TMEM214: variants seen among roughly 807,000 people sequenced by gnomAD.
TMEM214 encodes transmembrane protein 214.
Under a neutral mutation model 89.8 loss-of-function variants are expected in TMEM214, and 71 were observed. That is an observed-to-expected ratio of 0.79 (90% CI 0.65 to 0.96). TMEM214 has a LOEUF of 0.96. Among genes scored for constraint, TMEM214 ranks in the 40% least tolerant of loss-of-function variants. The pLI is 0.00. For missense variants in TMEM214, 754 were observed against 843.4 expected (o/e 0.89, Z 1.31); for synonymous variants, 332 against 349.5 (o/e 0.95, Z 0.56).
chr2:27,035,506 C>T, intron 3 of TMEM214, 88 bp from the exon 4 acceptor site: 2 of 1,565,440 alleles, frequency 1.3e-6, no homozygotes, highest in Non-Finnish European at 1.7e-6. Context: ...CCTTTGCCTC[C>T]ACTCACCATT....
intron 13 of TMEM214, 157 bp from the exon 14 acceptor site, chr2:27,039,584 C>T: frequency 1.4e-6 from 1 of 692,286 alleles, no homozygotes; most frequent in South Asian, 1.7e-5. Context: ...GCTCTGCATG[C>T]CTCCCTCCAC....
At position 27,038,955 on chromosome 2, in the gene TMEM214, C is replaced by T; in HGVS notation, c.1408-92C>T. On this transcript the variant is annotated intron_variant, in intron 12 of 16. Coordinates refer to ENST00000238788, the MANE Select transcript of TMEM214 (RefSeq NM_017727.5). The surrounding 1 kb of genome is among the most constrained non-coding windows in gnomAD (Gnocchi z 4.4). ...TCCAGGATAATGTGAAGGCTTGACGCTCTTTCGGGAAGGCCTGGCTTGAGG... is the reference window on the plus strand; with the variant it reads ...TCCAGGATAATGTGAAGGCTTGACGTTCTTTCGGGAAGGCCTGGCTTGAGG... The T allele has an allele frequency of 2.7e-6, 4 of 1,491,700 alleles. No individual in the cohort carries two copies. Among genetic ancestry groups the T allele is most frequent in the Non-Finnish European group, 3.7e-6 (4 of 1,075,062 alleles). 92.4% of individuals were successfully genotyped at this position (1,491,700 alleles called of 1,614,324 possible). A position where few individuals can be genotyped will look rare whatever the true frequency, so the allele number is the denominator to read the frequency against.
At chr2:27,034,046 C>T (rs770859363) in intron 1 of TMEM214, 21 bp from the exon 2 acceptor site, 1 of 1,613,664 alleles carries the variant, frequency 6.2e-7, no homozygotes. Flanking sequence ...GCCTGCCTTT[C>T]TCTACCTATC....
Position 27,037,108 on chromosome 2 carries a change from A to G in TMEM214, c.940A>G (p.Met314Val). The part of the protein sequence containing the change: ...MHPNLTKGFG[M>V]IGPKDFFPLL... ...TCCCAACCTTACCAAGGGCTTCGGC[A>G]TGATTGGCCCCAAGGACTTCTTCCC... Residue 314 changes from methionine to valine, a missense_variant, in exon 8 of 17, where the codon ATG (methionine) becomes GTG (valine). Physicochemically the swap from Met to Val is conservative, Grantham distance 21. Transcript: ENST00000238788. 6.2e-7 allele frequency: 1 copy of G among 1,614,092 alleles called. No individual in the cohort carries two copies. The highest frequency in any genetic ancestry group is 8.5e-7 in the Non-Finnish European group (1 of 1,180,016).
chr2:27,033,937 A>AG, intron 1 of TMEM214, 130 bp from the exon 2 acceptor site: 4 of 999,894 alleles, frequency 4.0e-6, no homozygotes, highest in Non-Finnish European at 6.1e-6. Context: ...GCAGTCCAAG[A>AG]GGAAGGGGCT....
chr2:27,039,935 C>CA, intron 14 of TMEM214, 95 bp from the exon 15 acceptor site: 1 of 1,595,034 alleles, frequency 6.3e-7, no homozygotes, highest in Non-Finnish European at 8.6e-7. Flanking sequence ...TGTGATTCTC[C>CA]TTTCCCACGG....
chr2:27,039,280 G>A (rs1667714538), intron 13 of TMEM214, 116 bp downstream of exon 13: 2 of 857,590 alleles, frequency 2.3e-6, no homozygotes, highest in Non-Finnish European at 3.7e-6. Flanking sequence ...TCTCAATCCT[G>A]CAGAGTAAAC....
At chr2:27,039,263 G>T in intron 13 of TMEM214, 99 bp downstream of exon 13, 1 of 1,026,576 alleles carries the variant, frequency 9.7e-7, no homozygotes, top group East Asian at 2.6e-5. Context: ...TCTTTGTCCT[G>T]ACGAGTTCTC....
At position 27,040,837 on chromosome 2, in the gene TMEM214, G is replaced by A. The variant is rs368979896; in HGVS notation, c.2070G>A (p.Ter690=). ...DWALALISQQ[*] The stretch of plus-strand genomic sequence containing the variant: ...CACTTGCCCTGATATCCCAGCAGTA[G>A]GCCCTGCCTTCCTGGCCACTGATTT... Residue 690 remains the stop codon, a stop_retained_variant, in exon 17 of 17, where the codon TAG becomes TAA. Coordinates refer to ENST00000238788, the MANE Select transcript of TMEM214 (RefSeq NM_017727.5). The A allele has an allele frequency of 1.9e-6, 3 of 1,612,416 alleles. No homozygotes were observed. Among genetic ancestry groups the A allele is most frequent in the African/African-American group, 2.7e-5 (2 of 74,900 alleles).
Position 27,040,723 on chromosome 2 carries a change from C to G in TMEM214, c.1956C>G (p.Thr652=), listed in dbSNP as rs768571313. 1.8e-5 allele frequency: 29 copies of G among 1,613,924 alleles called. No homozygotes were observed. The highest frequency in any genetic ancestry group is 2.5e-5 in the Non-Finnish European group (29 of 1,180,016). The change falls in exon 17 of 17, where the codon ACC becomes ACG. Residue 652 remains threonine, a synonymous_variant. Coordinates refer to ENST00000238788, the MANE Select transcript of TMEM214 (RefSeq NM_017727.5). ...HCHEACRGEV[T]WDCMKTQLSE... is the part of the protein sequence containing the mutation. ...ACTTTCCTTCCAGAGGTGAGGTGAC[C>G]TGGGACTGCATGAAGACACAGCTCA...
intron 9 of TMEM214, 115 bp downstream of exon 9, chr2:27,037,817 C>A (rs1312455122): frequency 6.2e-7 from 1 of 1,602,994 alleles, no homozygotes; most frequent in Non-Finnish European, 8.5e-7. Flanking sequence ...TTCCTTAGCT[C>A]CCTGTTGACA....
At chr2:27,036,857 C>T (rs1667589218) in intron 7 of TMEM214, 71 bp downstream of exon 7, 1 of 1,503,656 alleles carries the variant, frequency 6.7e-7, no homozygotes. Context: ...AAATGGGAGG[C>T]TATGATCTTG....
chr2:27,040,841 C>T lies in TMEM214; in HGVS notation c.*4C>T. 4 of 1,612,034 alleles carry T rather than the reference C, an allele frequency of 2.5e-6. No homozygotes were observed. The highest frequency in any genetic ancestry group is 1.1e-5 in the South Asian group (1 of 91,060). ...TGCCCTGATATCCCAGCAGTAGGCC[C>T]TGCCTTCCTGGCCACTGATTTCTGC... On this transcript the variant is annotated 3_prime_UTR_variant, in exon 17 of 17. Coordinates refer to ENST00000238788, the MANE Select transcript of TMEM214 (RefSeq NM_017727.5).
In TMEM214 at chr2:27,038,697, C is replaced by A. The variant is rs754026289; in HGVS notation, c.1294-5C>A. ...CCTCACAGGCCAGACCTTTCTTGTC[C>A]ATAGGTACAGAAGTCTTTGCAAGAA... On this transcript the variant is annotated splice_polypyrimidine_tract_variant and splice_region_variant and intron_variant, in intron 11 of 16. Coordinates refer to ENST00000238788, the MANE Select transcript of TMEM214 (RefSeq NM_017727.5). This position sits in a 1 kb window ranked among gnomAD's most constrained non-coding sequence, Gnocchi z 4.4. 6.2e-7 allele frequency: 1 copy of A among 1,613,596 alleles called. No individual in the cohort carries two copies. Among genetic ancestry groups the A allele is most frequent in the Admixed American group, 1.7e-5 (1 of 59,964 alleles).
chr2:27,039,681 CTG>C, intron 13 of TMEM214, 58 bp from the exon 14 acceptor site: 1 of 1,428,208 alleles, frequency 7.0e-7, no homozygotes, highest in Non-Finnish European at 9.9e-7. Flanking sequence ...CCTGTAGTGT[CTG>C]TCTCCCCAGT....
chr2:27,037,349 G>C (rs897110321), intron 8 of TMEM214, among the ~76,000 whole-genome samples, 171 bp downstream of exon 8: 1 of 151,988 alleles, frequency 6.6e-6, no homozygotes, highest in African/African-American at 2.4e-5. Context: ...GGACCCTTGA[G>C]TGTGATTGGC....
At position 27,035,652 on chromosome 2, in the gene TMEM214, G is replaced by A. The variant is rs777196529; in HGVS notation, c.561G>A (p.Ala187=). The A allele has an allele frequency of 4.8e-5, 77 of 1,614,086 alleles. No individual in the cohort carries two copies. Among genetic ancestry groups the A allele is most frequent in the Non-Finnish European group, 6.5e-5 (77 of 1,180,040 alleles). The change falls in exon 4 of 17, where the codon GCG becomes GCA. Residue 187 remains alanine, a synonymous_variant. Coordinates refer to ENST00000238788, the MANE Select transcript of TMEM214 (RefSeq NM_017727.5). The part of the protein sequence containing the change: ...ELRGIIRGLL[A]KAAGSLELFF... The stretch of plus-strand genomic sequence containing the variant: ...GTGGGATCATCCGAGGGCTGCTGGC[G>A]AAGGCAGCAGGGTCTCTGGAGCTCT...
chr2:27,035,689 T>TG lies in TMEM214; in HGVS notation c.599dup (p.Cys200TrpfsTer11). ...GTCTCTGGAGCTCTTTTTTGACCACTGTCTGTTCACCATGTTGCAAGAGCT... is the reference window on the plus strand; with the variant it reads ...GTCTCTGGAGCTCTTTTTTGACCACTGGTCTGTTCACCATGTTGCAAGAGCT... On this transcript the variant is annotated frameshift_variant, in exon 4 of 17. Coordinates refer to ENST00000238788, the MANE Select transcript of TMEM214 (RefSeq NM_017727.5). LOFTEE classifies it high-confidence loss of function. The TG allele has an allele frequency of 6.2e-7, 1 of 1,614,188 alleles. No individual in the cohort carries two copies. The highest frequency in any genetic ancestry group is 8.5e-7 in the Non-Finnish European group (1 of 1,180,028).
chr2:27,033,607 ACACT>A lies in TMEM214; in HGVS notation c.151+444_151+447del, dbSNP rs532445543. On this transcript the variant is annotated intron_variant, in intron 1 of 16. Transcript: ENST00000238788. ...CAGCAGTGGGAGAAATGACCGCCAC[ACACT>A]CAACACTCACCAGGAATTATAAGTG... Among the ~76,000 whole-genome samples the A allele has an allele frequency of 2.8e-3, 428 of 152,296 alleles. 1 individual carries two copies. The highest frequency in any genetic ancestry group is 0.01 in the African/African-American group (418 of 41,568).
Sources: allele counts gnomAD v4.1 joint callset (sites outside exome capture counted in the v4.1 genomes callset), GRCh38; gene constraint gnomAD v4.1.1; non-coding constraint Gnocchi (gnomAD v3.1); transcripts MANE v1.5; gene names NCBI Gene and HGNC (gene_info 2026-07-23, HGNC 2026-07-21).